The following SAMD4A variants were observed in gnomAD, a reference collection of about 807,000 sequenced individuals.
SAMD4A encodes the protein protein Smaug homolog 1.
SAMD4A carries 33 observed loss-of-function variants against 81.3 expected under a neutral mutation model. That is an observed-to-expected ratio of 0.41 (90% CI 0.31 to 0.54). The LOEUF is 0.54. Among genes scored for constraint, SAMD4A ranks in the 20% least tolerant of loss-of-function variants. SAMD4A has a pLI of 0.37. For synonymous variants in SAMD4A, 389 were observed against 382.1 expected (o/e 1.02, Z -0.21); for missense variants, 854 against 951.1 (o/e 0.90, Z 1.34).
At chr14:54,675,614 T>C (rs533008083) in intron 2 of SAMD4A, among the ~76,000 whole-genome samples, 1 of 152,342 alleles carries the variant, frequency 6.6e-6, no homozygotes, top group East Asian at 1.9e-4. Context: ...GTGATTTAAT[T>C]GAAGTGATTG....
chr14:54,681,937 G>A, intron 2 of SAMD4A: 1 of 985,432 alleles, frequency 1.0e-6, no homozygotes, highest in Non-Finnish European at 1.2e-6. Context: ...CACTTTAGGA[G>A]GAAATGCAGA....
chr14:54,709,416 G>A (rs775592447), intron 3 of SAMD4A, among the ~76,000 whole-genome samples: 2 of 151,812 alleles, frequency 1.3e-5, no homozygotes, highest in Non-Finnish European at 2.9e-5. Context: ...GAGAATCTAC[G>A]TATTTTCATT....
rs145502654 is a variant in SAMD4A, at chr14:54,651,718, T to C, written c.197-50344T>C. On this transcript the variant is annotated intron_variant, in intron 2 of 12. Coordinates refer to ENST00000554335, the MANE Select transcript of SAMD4A (RefSeq NM_015589.6). The stretch of plus-strand genomic sequence containing the variant: ...TAAATGTCGATGCAATTTCCTTTAA[T>C]AAAGGAATGATATATATGAGCCAAA... Among the ~76,000 whole-genome samples the C allele has an allele frequency of 3.7e-4, 57 of 152,318 alleles. 1 individual carries two copies. The East Asian group carries it at 4.8e-3, about 13-fold the overall frequency.
At chr14:54,616,520 G>A (rs1056609167) in intron 2 of SAMD4A, among the ~76,000 whole-genome samples, 6 of 152,180 alleles carry the variant, frequency 3.9e-5, no homozygotes, top group South Asian at 2.1e-4. Flanking sequence ...GCATGGGAAC[G>A]TGGGAAGGCT....
At chr14:54,698,051 T>C (rs1324492233) in intron 2 of SAMD4A, among the ~76,000 whole-genome samples, 6 of 152,214 alleles carry the variant, frequency 3.9e-5, no homozygotes, top group African/African-American at 1.2e-4. Context: ...TCCCCTACAT[T>C]CTATTTACTG....
chr14:54,756,176 T>C (rs927104575), intron 6 of SAMD4A, among the ~76,000 whole-genome samples: 2 of 152,212 alleles, frequency 1.3e-5, no homozygotes, highest in East Asian at 3.8e-4. Context: ...TTTTTAAAAA[T>C]GTTTCACCCC....
intron 2 of SAMD4A, among the ~76,000 whole-genome samples, chr14:54,636,701 T>C (rs1426541146): frequency 6.6e-6 from 1 of 151,990 alleles, no homozygotes; most frequent in Non-Finnish European, 1.5e-5. Context: ...TCCTGGCAGA[T>C]TGGATATAGG....
intron 8 of SAMD4A, among the ~76,000 whole-genome samples, chr14:54,769,317 G>A (rs1012912775): frequency 6.6e-6 from 1 of 152,170 alleles, no homozygotes; most frequent in Non-Finnish European, 1.5e-5. Context: ...GTCTCCTTGG[G>A]TGATTCTAAT....
At chr14:54,762,980 G>T (rs894080479) in intron 7 of SAMD4A, among the ~76,000 whole-genome samples, 1 of 151,058 alleles carries the variant, frequency 6.6e-6, no homozygotes, top group Non-Finnish European at 1.5e-5. Context: ...TCAGCCTCCC[G>T]AGTAATTGGG....
intron 3 of SAMD4A, among the ~76,000 whole-genome samples, chr14:54,723,962 C>T (rs1174535487): frequency 1.4e-5 from 2 of 141,928 alleles, no homozygotes; most frequent in Admixed American, 1.4e-4. Flanking sequence ...TAGCATATGC[C>T]CAACACCAGG....
At chr14:54,660,691 AAGAG>A (rs1210791623) in intron 2 of SAMD4A, among the ~76,000 whole-genome samples, 12 of 152,346 alleles carry the variant, frequency 7.9e-5, no homozygotes, top group East Asian at 5.8e-4. Context: ...TTTAAAAAAA[AAGAG>A]AGAGACTGTC....
chr14:54,660,798 A>G (rs917163550), intron 2 of SAMD4A, among the ~76,000 whole-genome samples: 8 of 152,212 alleles, frequency 5.3e-5, no homozygotes, highest in Non-Finnish European at 1.2e-4. Context: ...TTTTCCACCA[A>G]CAACTTTGGA....
chr14:54,761,148 C>T (rs1414534814), intron 7 of SAMD4A, among the ~76,000 whole-genome samples: 1 of 152,216 alleles, frequency 6.6e-6, no homozygotes, highest in Non-Finnish European at 1.5e-5. Flanking sequence ...AGCTTTTCCT[C>T]TATAGCAGAC....
At chr14:54,643,701 A>C (rs77135619) in intron 2 of SAMD4A, among the ~76,000 whole-genome samples, 2,455 of 152,346 alleles carry the variant, frequency 0.016, 53 homozygotes, top group African/African-American at 0.055. Context: ...AGGTATGTTT[A>C]AATTGTCAGT....
At chr14:54,717,635 A>G (rs1487658773) in intron 3 of SAMD4A, among the ~76,000 whole-genome samples, 1 of 152,066 alleles carries the variant, frequency 6.6e-6, no homozygotes, top group Non-Finnish European at 1.5e-5. Flanking sequence ...GTAGCTCTAA[A>G]TTCACCTGGA....
intron 7 of SAMD4A, among the ~76,000 whole-genome samples, chr14:54,763,994 A>G (rs1163821020): frequency 6.6e-6 from 1 of 152,124 alleles, no homozygotes; most frequent in East Asian, 1.9e-4. Context: ...CGTCTCCAGG[A>G]GGTGCCAGCT....
chr14:54,629,172 G>A lies in SAMD4A; in HGVS notation c.196+61060G>A, dbSNP rs149089485. Among the ~76,000 whole-genome samples, 417 of 152,236 alleles carry A rather than the reference G, an allele frequency of 2.7e-3. 2 individuals carry two copies. The highest frequency in any genetic ancestry group is 9.4e-3 in the African/African-American group (391 of 41,546). On this transcript the variant is annotated intron_variant, in intron 2 of 12. Coordinates refer to ENST00000554335, the MANE Select transcript of SAMD4A (RefSeq NM_015589.6). Reference sequence around the variant, plus strand: ...GCACCAGGTATTAATAATCACAGAGGCAGAGATTAGAGTGAGGCAGCTGCA... The same window carrying A: ...GCACCAGGTATTAATAATCACAGAGACAGAGATTAGAGTGAGGCAGCTGCA...
intron 3 of SAMD4A, among the ~76,000 whole-genome samples, chr14:54,720,527 G>GC (rs2037234275): frequency 6.6e-6 from 1 of 151,918 alleles, no homozygotes; most frequent in African/African-American, 2.4e-5. Flanking sequence ...TTTTCTCATG[G>GC]ACTAGCCCAT....
chr14:54,760,391 G>C lies in SAMD4A; in HGVS notation c.1407G>C (p.Gly469=), dbSNP rs1297728384. ...CCACCCCCTCGGCCGGGGCCAGCGGGGGGCTCCAGCCGCACCAGCTGAGCA... is the reference window on the plus strand; with the variant it reads ...CCACCCCCTCGGCCGGGGCCAGCGGCGGGCTCCAGCCGCACCAGCTGAGCA... ...ATATPSAGAS[G]GLQPHQLSSC... The change falls in exon 7 of 13, where the codon GGG becomes GGC. Residue 469 remains glycine, a synonymous_variant. Coordinates refer to ENST00000554335, the MANE Select transcript of SAMD4A (RefSeq NM_015589.6). The C allele has an allele frequency of 1.3e-6, 2 of 1,506,532 alleles. No homozygotes were observed. The highest frequency in any genetic ancestry group is 1.8e-6 in the Non-Finnish European group (2 of 1,139,314). 93.3% of individuals were successfully genotyped at this position (1,506,532 alleles called of 1,614,324 possible). A position where few individuals can be genotyped will look rare whatever the true frequency, so the allele number is the denominator to read the frequency against.
Sources: allele counts gnomAD v4.1 joint callset (sites outside exome capture counted in the v4.1 genomes callset), GRCh38; gene constraint gnomAD v4.1.1; transcripts MANE v1.5; gene names NCBI Gene and HGNC (gene_info 2026-07-23, HGNC 2026-07-21).